Variants in PPP2R2A observed in about 807,000 individuals in gnomAD.
The protein encoded by PPP2R2A is serine/threonine-protein phosphatase 2A 55 kDa regulatory subunit B alpha isoform.
Under a neutral mutation model 53.2 loss-of-function variants are expected in PPP2R2A, and 9 were observed. The ratio of observed to expected loss-of-function variants is 0.17; its 90% CI spans 0.10 to 0.30. PPP2R2A has a LOEUF of 0.30. Ranked by LOEUF, PPP2R2A falls within the 10% of genes least tolerant of loss-of-function variation. PPP2R2A has a pLI of 1.00. For synonymous variants in PPP2R2A, 169 were observed against 174.2 expected (o/e 0.97, Z 0.23); for missense variants, 235 against 534.6 (o/e 0.44, Z 5.53).
chr8:26,363,924 C>A, intron 8 of PPP2R2A, 34 bp downstream of exon 8: 1 of 1,516,810 alleles, frequency 6.6e-7, no homozygotes, highest in South Asian at 1.3e-5. Context: ...GAGCATATAC[C>A]CTGTTTACTT....
intron 2 of PPP2R2A, among the ~76,000 whole-genome samples, chr8:26,295,919 T>A (rs1801522228): frequency 6.6e-6 from 1 of 152,124 alleles, no homozygotes; most frequent in Non-Finnish European, 1.5e-5. Flanking sequence ...CCCACCCCCC[T>A]ACCTTTAGAC....
chr8:26,347,847 G>T (rs1804297613), intron 3 of PPP2R2A, among the ~76,000 whole-genome samples: 1 of 152,120 alleles, frequency 6.6e-6, no homozygotes, highest in African/African-American at 2.4e-5. Context: ...GCAAAATCTT[G>T]AAGTGCTCCA....
rs1293627976 is a variant in PPP2R2A at position 26,366,379 on chromosome 8, T to A, written c.1037T>A (p.Phe346Tyr). The A allele has an allele frequency of 6.3e-7, 1 of 1,596,256 alleles. No individual in the cohort carries two copies. The highest frequency in any genetic ancestry group is 8.5e-7 in the Non-Finnish European group (1 of 1,173,586). Residue 346 changes from phenylalanine (F) to tyrosine (Y), a missense_variant, in exon 9 of 10, where the codon TTT becomes TAT. Physicochemically the swap from Phe to Tyr is conservative, Grantham distance 22. Around this residue, in one of 3 missense-constraint regions of PPP2R2A, gnomAD observed 181 missense variants for 409.9 expected, o/e 0.44. Coordinates refer to ENST00000380737, the MANE Select transcript of PPP2R2A (RefSeq NM_002717.4). Reference sequence around the variant, plus strand: ...GAAAATGACTGCATATTTGACAAATTTGAATGTTGTTGGAATGGATCTGAC... The same window carrying A: ...GAAAATGACTGCATATTTGACAAATATGAATGTTGTTGGAATGGATCTGAC... ...LYENDCIFDKFECCWNGSDSV... is the reference protein window; with the variant it reads ...LYENDCIFDKYECCWNGSDSV...
In PPP2R2A at chr8:26,301,525, A is replaced by G. The variant is rs527862238; in HGVS notation, c.82+7785A>G. 2.6e-5 allele frequency among the ~76,000 whole-genome samples: 4 copies of G among 151,720 alleles called. No individual in the cohort carries two copies. In the East Asian group the frequency reaches 7.8e-4, roughly 29 times the overall value. ...TTTTTAAAAATTTTTTTTTGTAGAG[A>G]CAGATCTCACCATGTTGCCCAGGCT... On this transcript the variant is annotated intron_variant, in intron 2 of 9. Transcript: ENST00000380737.
intron 4 of PPP2R2A, among the ~76,000 whole-genome samples, chr8:26,356,998 A>G (rs180847878): frequency 6.6e-6 from 1 of 152,344 alleles, no homozygotes; most frequent in African/African-American, 2.4e-5. Flanking sequence ...TCTTAATACT[A>G]AGTAAAATAC....
chr8:26,334,773 A>C (rs1040842853), intron 2 of PPP2R2A, among the ~76,000 whole-genome samples: 1 of 152,058 alleles, frequency 6.6e-6, no homozygotes, highest in African/African-American at 2.4e-5. Context: ...AAAACAAAAA[A>C]AGTCAGTATC....
At position 26,370,455 on chromosome 8, in the gene PPP2R2A, G is replaced by A. The variant is rs1191586404; in HGVS notation, c.*42G>A. ...AGAAGAACCCACTTCCTGCTTAGTTGAGATAGTTGAATCTAGCATTCGTTC... is the reference window on the plus strand; with the variant it reads ...AGAAGAACCCACTTCCTGCTTAGTTAAGATAGTTGAATCTAGCATTCGTTC... On this transcript the variant is annotated 3_prime_UTR_variant, in exon 10 of 10. Transcript: ENST00000380737. The surrounding 1 kb of genome is among the most constrained non-coding windows in gnomAD (Gnocchi z 6.1). 5 of 1,591,942 alleles carry A rather than the reference G, an allele frequency of 3.1e-6. No homozygotes were observed. The highest frequency in any genetic ancestry group is 4.3e-6 in the Non-Finnish European group (5 of 1,163,828).
chr8:26,368,769 C>T (rs545951113), intron 9 of PPP2R2A, among the ~76,000 whole-genome samples: 85 of 152,190 alleles, frequency 5.6e-4, no homozygotes, highest in Non-Finnish European at 1.0e-3. Flanking sequence ...ATTGTGCCAC[C>T]ACATTTCAAC....
intron 4 of PPP2R2A, among the ~76,000 whole-genome samples, chr8:26,355,799 G>A (rs1448631912): frequency 6.6e-6 from 1 of 151,398 alleles, no homozygotes; most frequent in Non-Finnish European, 1.5e-5. Flanking sequence ...GAACCTGGGA[G>A]GCAGAGCTTG....
At chr8:26,355,777 G>A (rs1804747262) in intron 4 of PPP2R2A, among the ~76,000 whole-genome samples, 1 of 151,698 alleles carries the variant, frequency 6.6e-6, no homozygotes, top group Non-Finnish European at 1.5e-5. Flanking sequence ...TGCTGAGGCA[G>A]GAGAATGGGG....
At chr8:26,295,960 A>G (rs892870851) in intron 2 of PPP2R2A, among the ~76,000 whole-genome samples, 7 of 151,960 alleles carry the variant, frequency 4.6e-5, no homozygotes, top group African/African-American at 1.7e-4. Context: ...ATGTAGCTCA[A>G]CTTTTACTTG....
intron 4 of PPP2R2A, among the ~76,000 whole-genome samples, chr8:26,355,884 A>AC (rs1368177714): frequency 6.6e-6 from 1 of 151,774 alleles, no homozygotes; most frequent in African/African-American, 2.4e-5. Flanking sequence ...AAAAAAAAAA[A>AC]AGTTAGTAAT....
chr8:26,324,927 C>T (rs906700811), intron 2 of PPP2R2A, among the ~76,000 whole-genome samples: 1 of 151,172 alleles, frequency 6.6e-6, no homozygotes, highest in African/African-American at 2.4e-5. Context: ...TTGCATGGAC[C>T]CTATACCCTC....
chr8:26,349,871 G>A (rs1324597615), intron 3 of PPP2R2A, among the ~76,000 whole-genome samples: 1 of 152,176 alleles, frequency 6.6e-6, no homozygotes, highest in African/African-American at 2.4e-5. Flanking sequence ...ACAATCATGA[G>A]TAGAAATATT....
In PPP2R2A at chr8:26,338,663, T is replaced by A. The variant is rs1043468680; in HGVS notation, c.83-227T>A. ...TAATAAATTAGTATTTGTTGTATTC[T>A]CTGTTAAAATAGTTTCATACTGGTT... On this transcript the variant is annotated intron_variant, in intron 2 of 9. Transcript: ENST00000380737. The surrounding 1 kb of genome is among the most constrained non-coding windows in gnomAD (Gnocchi z 4.5). Among the ~76,000 whole-genome samples the A allele has an allele frequency of 6.6e-6, 1 of 152,232 alleles. No homozygotes were observed. The highest frequency in any genetic ancestry group is 2.4e-5 in the African/African-American group (1 of 41,464).
At chr8:26,341,352 A>T (rs1021214311) in intron 3 of PPP2R2A, among the ~76,000 whole-genome samples, 1 of 152,116 alleles carries the variant, frequency 6.6e-6, no homozygotes, top group Non-Finnish European at 1.5e-5. Flanking sequence ...TGACACTTAG[A>T]GGCACCTTTG....
At chr8:26,323,486 A>G (rs1407711672) in intron 2 of PPP2R2A, among the ~76,000 whole-genome samples, 1 of 152,154 alleles carries the variant, frequency 6.6e-6, no homozygotes, top group Non-Finnish European at 1.5e-5. Context: ...TGGAAGCCCC[A>G]GGTTGTTTAC....
intron 8 of PPP2R2A, 189 bp from the exon 9 acceptor site, chr8:26,366,126 A>G: frequency 2.0e-6 from 1 of 491,768 alleles, no homozygotes; most frequent in Middle Eastern, 5.1e-4. Flanking sequence ...AGGAAAATGT[A>G]CCTCCCTGAA....
intron 2 of PPP2R2A, 59 bp downstream of exon 2, chr8:26,293,799 T>C (rs776683862): frequency 1.3e-5 from 20 of 1,491,252 alleles, no homozygotes; most frequent in Non-Finnish European, 1.9e-5. Context: ...TGTTTCCTAC[T>C]GGAGGATTTC....
Sources: gnomAD v4.1 joint callset for allele counts (sites outside exome capture counted in the v4.1 genomes callset) on GRCh38, gnomAD v4.1.1 for gene constraint, gnomAD v4.1.1 regional missense constraint, Gnocchi (gnomAD v3.1) non-coding constraint, MANE v1.5 for transcripts, NCBI Gene and HGNC (gene_info 2026-07-23, HGNC 2026-07-21) for gene names.